Variants in RBFOX1 observed in about 807,000 individuals in gnomAD.
The protein encoded by RBFOX1 is RNA binding fox-1 homolog 1, also known as RNA binding protein fox-1 homolog 1.
RBFOX1 carries 8 observed loss-of-function variants against 57.7 expected under a neutral mutation model. That is an observed-to-expected ratio of 0.14 (90% confidence interval 0.08 to 0.25). The LOEUF (loss-of-function observed/expected upper bound fraction) is 0.25. RBFOX1 is among the 10% of genes least tolerant of loss of function. RBFOX1 has a pLI of 1.00. For missense variants in RBFOX1, 611 were observed against 548.5 expected (o/e 1.11, Z -1.14); for synonymous variants, 326 against 222.4 (o/e 1.47, Z -4.15).
At chr16:6,444,311 A>G (rs956576667) in intron 2 of RBFOX1, among the ~76,000 whole-genome samples, 9 of 152,076 alleles carry the variant, frequency 5.9e-5, no homozygotes, top group Admixed American at 4.6e-4. Flanking sequence ...CCAAAAGCCA[A>G]TGTTCCAAGC....
chr16:6,412,248 A>T (rs2152973233), intron 2 of RBFOX1, among the ~76,000 whole-genome samples: 1 of 152,356 alleles, frequency 6.6e-6, no homozygotes, highest in Admixed American at 6.5e-5. Flanking sequence ...CACCAGAGAA[A>T]AGGTATGTCC....
In RBFOX1 at chr16:6,863,810, G is replaced by T. The variant is rs142659690; in HGVS notation, c.-15-188247G>T. 5.0e-3 allele frequency among the ~76,000 whole-genome samples: 705 copies of T among 141,028 alleles called. 6 individuals carry two copies. Among genetic ancestry groups the T allele is most frequent in the African/African-American group, 0.012 (451 of 36,818 alleles). 92.5% of individuals were successfully genotyped at this position (141,028 alleles called of 152,430 possible). ...AAACCTTGTGATACAGTCTCAGGAG[G>T]ATGTGCTATGAAAGGAGCCAAATCA... On this transcript the variant is annotated intron_variant, in intron 3 of 15. Coordinates refer to ENST00000550418, the MANE Select transcript of RBFOX1 (RefSeq NM_018723.4).
intron 4 of RBFOX1, among the ~76,000 whole-genome samples, chr16:7,439,949 C>CTT (rs144449326): frequency 4.3e-5 from 4 of 94,042 alleles, no homozygotes; most frequent in Admixed American, 1.1e-4. Flanking sequence ...TCTTTTCTTT[C>CTT]TTTTTTTTTT....
intron 2 of RBFOX1, among the ~76,000 whole-genome samples, chr16:6,407,308 T>A (rs1299244382): frequency 6.6e-6 from 1 of 152,174 alleles, no homozygotes; most frequent in Non-Finnish European, 1.5e-5. Context: ...TATGTACATA[T>A]ACATTTTCTA....
At chr16:5,552,997 C>T (rs2045523348) in intron 2 of RBFOX1, among the ~76,000 whole-genome samples, 1 of 152,102 alleles carries the variant, frequency 6.6e-6, no homozygotes. Flanking sequence ...ATGGATGAAG[C>T]TGGAAACCAT....
chr16:6,100,534 C>T (rs2096293401), intron 1 of RBFOX1, among the ~76,000 whole-genome samples: 2 of 152,184 alleles, frequency 1.3e-5, no homozygotes, highest in African/African-American at 4.8e-5. Flanking sequence ...ACAAACCTTG[C>T]ACTTAATAGA....
intron 5 of RBFOX1, among the ~76,000 whole-genome samples, chr16:7,575,328 T>C (rs2152806036): frequency 6.6e-6 from 1 of 152,022 alleles, no homozygotes; most frequent in Non-Finnish European, 1.5e-5. Context: ...AGAGACGGGG[T>C]TTCACCATGT....
Position 5,721,159 on chromosome 16 carries a change from C to T in RBFOX1, c.318+122198C>T, listed in dbSNP as rs1464824418. On this transcript the variant is annotated intron_variant, in intron 3 of 19. Coordinates refer to the RBFOX1 transcript ENST00000641259. Reference sequence around the variant, plus strand: ...TTTACATTTCCTGTTTTATGTTTATCCCCAAGTATTTTCCTAAGTTTATTT... The same window carrying T: ...TTTACATTTCCTGTTTTATGTTTATTCCCAAGTATTTTCCTAAGTTTATTT... Among the ~76,000 whole-genome samples, 3 of 152,202 alleles carry T rather than the reference C, an allele frequency of 2.0e-5. No individual in the cohort carries two copies. The East Asian group carries it at 5.8e-4, about 29-fold the overall frequency.
At chr16:6,708,773 G>T (rs950659212) in intron 3 of RBFOX1, among the ~76,000 whole-genome samples, 10 of 152,172 alleles carry the variant, frequency 6.6e-5, no homozygotes, top group Non-Finnish European at 1.3e-4. Context: ...CTGTGGGGAA[G>T]GTGTTCATTT....
At chr16:5,775,856 A>G (rs2054129579) in intron 3 of RBFOX1, among the ~76,000 whole-genome samples, 1 of 152,232 alleles carries the variant, frequency 6.6e-6, no homozygotes, top group Admixed American at 6.5e-5. Context: ...TCCATGGGAG[A>G]AAGACTATCG....
intron 3 of RBFOX1, among the ~76,000 whole-genome samples, chr16:6,957,783 G>T (rs1396746341): frequency 1.3e-5 from 2 of 152,098 alleles, no homozygotes; most frequent in African/African-American, 4.8e-5. Context: ...GTTGGGCTGG[G>T]ATACCTTAGG....
At chr16:7,694,758 C>G (rs974515580) in intron 14 of RBFOX1, among the ~76,000 whole-genome samples, 5 of 152,060 alleles carry the variant, frequency 3.3e-5, no homozygotes, top group Admixed American at 2.0e-4. Context: ...TTAACATTTT[C>G]AGAGCCTTAG....
chr16:5,380,881 TAAG>T (rs565575291), intron 1 of RBFOX1, among the ~76,000 whole-genome samples: 19 of 152,246 alleles, frequency 1.2e-4, no homozygotes, highest in Non-Finnish European at 2.5e-4. Context: ...ACTTGTATAA[TAAG>T]GTAGGAAATT....
chr16:5,564,558 C>T (rs1421314628), intron 2 of RBFOX1, among the ~76,000 whole-genome samples: 1 of 152,040 alleles, frequency 6.6e-6, no homozygotes, highest in African/African-American at 2.4e-5. Flanking sequence ...TCACTTAAAA[C>T]CTTATTTGCT....
At chr16:6,750,336 C>G (rs139649717) in intron 3 of RBFOX1, among the ~76,000 whole-genome samples, 9 of 152,254 alleles carry the variant, frequency 5.9e-5, no homozygotes, top group African/African-American at 1.9e-4. Context: ...TAGAGAGGAG[C>G]TTGGTGATAG....
intron 4 of RBFOX1, among the ~76,000 whole-genome samples, chr16:7,137,907 C>G (rs1198551703): frequency 1.3e-5 from 2 of 152,138 alleles, no homozygotes; most frequent in African/African-American, 2.4e-5. Context: ...AACTTTTTAG[C>G]TTGATGTACA....
chr16:6,745,479 T>G (rs920412856), intron 3 of RBFOX1, among the ~76,000 whole-genome samples: 8 of 152,166 alleles, frequency 5.3e-5, no homozygotes, highest in African/African-American at 1.7e-4. Context: ...GTTTTAGGAT[T>G]GAAAAGATGC....
At chr16:7,565,651 C>A (rs2091495385) in intron 5 of RBFOX1, among the ~76,000 whole-genome samples, 1 of 152,206 alleles carries the variant, frequency 6.6e-6, no homozygotes, top group African/African-American at 2.4e-5. Flanking sequence ...GGGTACTCAA[C>A]CATCGCTCAC....
chr16:7,073,267 C>G (rs532275405), intron 4 of RBFOX1, among the ~76,000 whole-genome samples: 4 of 152,194 alleles, frequency 2.6e-5, no homozygotes, highest in Non-Finnish European at 4.4e-5. Flanking sequence ...CCTGCAAAGC[C>G]TAAAATTTCT....
Sources: gnomAD v4.1 joint callset for allele counts (sites outside exome capture counted in the v4.1 genomes callset) on GRCh38, gnomAD v4.1.1 for gene constraint, MANE v1.5 for transcripts, NCBI Gene and HGNC (gene_info 2026-07-23, HGNC 2026-07-21) for gene names.